SFI1: variants seen among roughly 807,000 people sequenced by gnomAD.
The protein encoded by SFI1 is SFI1 centrin binding protein.
SFI1 carries 195 observed loss-of-function variants against 207.5 expected under a neutral mutation model. That is an observed-to-expected ratio of 0.94 (90% CI 0.84 to 1.06). SFI1 has a LOEUF of 1.06. SFI1 is among the 50% of genes least tolerant of loss of function. The pLI is 0.00. For synonymous variants in SFI1, 630 were observed against 598.9 expected (o/e 1.05, Z -0.76); for missense variants, 1,634 against 1,588.0 (o/e 1.03, Z -0.49).
intron 6 of SFI1, among the ~76,000 whole-genome samples, chr22:31,554,270 G>A (rs1888756334): frequency 6.6e-6 from 1 of 151,710 alleles, no homozygotes; most frequent in African/African-American, 2.4e-5. Context: ...TGTATATCCT[G>A]CATCCTTGCT....
At chr22:31,612,398 A>AAAAAAAAAAAATATATATATATAT (rs1556369798) in intron 24 of SFI1, 1 of 60,194 alleles carries the variant, frequency 1.7e-5, no homozygotes, top group Non-Finnish European at 3.0e-5. Context: ...AAAAAAAAAA[A>AAAAAAAAAAAATATATATATATAT]ATATATATAT....
chr22:31,564,201 C>A (rs924589210), intron 8 of SFI1, among the ~76,000 whole-genome samples: 1 of 151,246 alleles, frequency 6.6e-6, no homozygotes, highest in Non-Finnish European at 1.5e-5. Context: ...GTGGTGGGTG[C>A]CTGTAGTCCC....
In SFI1 at chr22:31,563,282, CG is replaced by C. The variant is rs568739287; in HGVS notation, c.765+1891del. 2.5e-4 allele frequency among the ~76,000 whole-genome samples: 38 copies of C among 152,120 alleles called. No homozygotes were observed. In the East Asian group the frequency reaches 6.0e-3, roughly 24 times the overall value. On this transcript the variant is annotated intron_variant, in intron 8 of 32. Transcript: ENST00000400288. Reference sequence around the variant, plus strand: ...TGCTGGGATTACAGGCGTGAACCACCGCGCCTGGCCTGCATCATTATCATAA... The same window carrying C: ...TGCTGGGATTACAGGCGTGAACCACCCGCCTGGCCTGCATCATTATCATAA...
chr22:31,545,898 T>C (rs1215495111), intron 4 of SFI1, among the ~76,000 whole-genome samples: 3 of 147,584 alleles, frequency 2.0e-5, no homozygotes, highest in Admixed American at 6.8e-5. Flanking sequence ...TTTTTTTTTT[T>C]TTTAATGTAT....
intron 2 of SFI1, among the ~76,000 whole-genome samples, chr22:31,513,521 C>T (rs933576673): frequency 5.9e-5 from 9 of 151,462 alleles, no homozygotes; most frequent in Non-Finnish European, 1.0e-4. Flanking sequence ...AGTACTCGGG[C>T]GTGGTGACTC....
chr22:31,520,509 A>G (rs1291984871), intron 2 of SFI1, among the ~76,000 whole-genome samples: 1 of 152,120 alleles, frequency 6.6e-6, no homozygotes, highest in African/African-American at 2.4e-5. Context: ...ATTCATTTCA[A>G]GTGTGCAATT....
intron 3 of SFI1, among the ~76,000 whole-genome samples, chr22:31,530,257 G>T (rs1311563934): frequency 6.9e-6 from 1 of 143,994 alleles, no homozygotes; most frequent in Non-Finnish European, 1.5e-5. Context: ...TTGGGAGGCC[G>T]AGGCGGGTGG....
chr22:31,581,062 G>A (rs2064104239), intron 12 of SFI1, among the ~76,000 whole-genome samples: 1 of 151,738 alleles, frequency 6.6e-6, no homozygotes, highest in Non-Finnish European at 1.5e-5. Flanking sequence ...CTGTAGTGCA[G>A]TAGATCACTG....
intron 4 of SFI1, among the ~76,000 whole-genome samples, chr22:31,536,661 C>T (rs1053095675): frequency 6.6e-6 from 1 of 152,236 alleles, no homozygotes. Flanking sequence ...GATCCACCTG[C>T]CTTGGCCTCC....
At chr22:31,545,135 G>A (rs540491607) in intron 4 of SFI1, among the ~76,000 whole-genome samples, 1 of 152,264 alleles carries the variant, frequency 6.6e-6, no homozygotes, top group African/African-American at 2.4e-5. Flanking sequence ...GGGAGGCCGA[G>A]GCAGGCAGAT....
At chr22:31,536,494 C>T (rs188476159) in intron 4 of SFI1, among the ~76,000 whole-genome samples, 26 of 152,288 alleles carry the variant, frequency 1.7e-4, no homozygotes, top group South Asian at 6.2e-4. Flanking sequence ...TCACTGCAAC[C>T]GCCACCTTCT....
In SFI1 at chr22:31,571,155, G is replaced by T. The variant is rs190915730; in HGVS notation, c.766-1903G>T. Among the ~76,000 whole-genome samples, 304 of 151,956 alleles carry T rather than the reference G, an allele frequency of 2.0e-3. 1 individual carries two copies. The highest frequency in any genetic ancestry group is 3.4e-3 in the Middle Eastern group (1 of 294). ...AGAGTCTAGAGAGGGGTGTTGCTTT[G>T]TTTGTTTAAGAATCACTGGTTTATT... On this transcript the variant is annotated intron_variant, in intron 8 of 32. Coordinates refer to ENST00000400288, the MANE Select transcript of SFI1 (RefSeq NM_001007467.3).
chr22:31,545,563 TAA>T (rs2059989503), intron 4 of SFI1, among the ~76,000 whole-genome samples: 5 of 140,688 alleles, frequency 3.6e-5, no homozygotes, highest in African/African-American at 1.1e-4. Flanking sequence ...TAATTTAATT[TAA>T]TTTAATTTAA....
At chr22:31,543,936 C>A (rs2059841158) in intron 4 of SFI1, among the ~76,000 whole-genome samples, 1 of 152,066 alleles carries the variant, frequency 6.6e-6, no homozygotes, top group East Asian at 1.9e-4. Flanking sequence ...TGCTTGTAAT[C>A]CCAGCACTTT....
intron 29 of SFI1, chr22:31,615,576 A>G (rs2147421475): frequency 3.0e-6 from 1 of 327,918 alleles, no homozygotes. Context: ...TGCAGGCCAC[A>G]GTGAGAAGTA....
intron 14 of SFI1, 78 bp from the exon 15 acceptor site, chr22:31,589,369 C>A: frequency 2.3e-6 from 3 of 1,281,536 alleles, no homozygotes; most frequent in Middle Eastern, 2.2e-4. Flanking sequence ...GCAATCCTCC[C>A]ACAAGGGTGT....
At chr22:31,545,605 G>A (rs1343332799) in intron 4 of SFI1, among the ~76,000 whole-genome samples, 3 of 127,284 alleles carry the variant, frequency 2.4e-5, no homozygotes, top group Admixed American at 7.7e-5. Context: ...ATTTTGAGAC[G>A]AAGTCTCACT....
chr22:31,593,201 G>C (rs2066409785), intron 15 of SFI1, among the ~76,000 whole-genome samples: 1 of 151,638 alleles, frequency 6.6e-6, no homozygotes, highest in Non-Finnish European at 1.5e-5. Context: ...CTCCCAGATG[G>C]GGCGGCTGCC....
intron 8 of SFI1, among the ~76,000 whole-genome samples, chr22:31,566,674 C>T (rs888028331): frequency 3.3e-5 from 5 of 152,118 alleles, no homozygotes; most frequent in African/African-American, 9.7e-5. Flanking sequence ...ATTGAGGCTT[C>T]AGGAGGATGA....
Sources: allele counts gnomAD v4.1 joint callset (sites outside exome capture counted in the v4.1 genomes callset), GRCh38; gene constraint gnomAD v4.1.1; transcripts MANE v1.5; gene names NCBI Gene and HGNC (gene_info 2026-07-23, HGNC 2026-07-21).